The following WDR33 variants were observed in gnomAD, a reference collection of about 807,000 sequenced individuals.
WDR33 encodes the protein WD repeat domain 33.
Under a neutral mutation model 164.9 loss-of-function variants are expected in WDR33, and 47 were observed. That is an observed-to-expected ratio of 0.29 (90% CI 0.23 to 0.36). The LOEUF is 0.36. Among genes scored for constraint, WDR33 ranks in the 10% least tolerant of loss-of-function variants. The pLI is 1.00. For synonymous variants in WDR33, 505 were observed against 589.0 expected (o/e 0.86, Z 2.06); for missense variants, 1,137 against 1,754.1 (o/e 0.65, Z 6.28).
Position 127,811,097 on chromosome 2 carries a change from C to A in WDR33, c.-109G>T, listed in dbSNP as rs1054980916. On this transcript the variant is annotated 5_prime_UTR_variant, in exon 1 of 22. Transcript: ENST00000322313. This position sits in a 1 kb window ranked among gnomAD's most constrained non-coding sequence, Gnocchi z 4.1. ...ATGTCTCTCTTGTTTGGTCTCCCCA[C>A]CCCGATCCTCTCAATCCCGCTCCTC... 1 of 152,744 alleles carries A rather than the reference C, an allele frequency of 6.5e-6. No homozygotes were observed. The highest frequency in any genetic ancestry group is 1.5e-5 in the Non-Finnish European group (1 of 68,078). The allele number at this position is 152,744 out of a possible 1,614,324, so 9.5% of individuals were successfully genotyped here. A position where few individuals can be genotyped will look rare whatever the true frequency, so the allele number is the denominator to read the frequency against.
intron 7 of WDR33, among the ~76,000 whole-genome samples, chr2:127,756,772 T>A (rs1481962761): frequency 1.3e-5 from 2 of 152,126 alleles, no homozygotes; most frequent in Admixed American, 6.5e-5. Context: ...TCATAGGGAT[T>A]TGTCACTGCT....
Position 127,734,206 on chromosome 2 carries a change from G to A in WDR33, c.725-7429C>T, listed in dbSNP as rs13412016. On this transcript the variant is annotated intron_variant, in intron 7 of 21. Transcript: ENST00000322313. ...GATTCTGAAGACCAGAGTCTTGTTCGGAATGAAGGAATGTGACAACCATAA... is the reference window on the plus strand; with the variant it reads ...GATTCTGAAGACCAGAGTCTTGTTCAGAATGAAGGAATGTGACAACCATAA... Among the ~76,000 whole-genome samples the A allele has an allele frequency of 6.6e-3, 1,010 of 152,236 alleles. 7 individuals are homozygous for A. The highest frequency in any genetic ancestry group is 0.022 in the African/African-American group (907 of 41,538).
At chr2:127,760,772 A>C (rs1021325960) in intron 7 of WDR33, among the ~76,000 whole-genome samples, 2 of 152,156 alleles carry the variant, frequency 1.3e-5, no homozygotes, top group Non-Finnish European at 2.9e-5. Flanking sequence ...TAAAGTAAGT[A>C]GAATTTTTTT....
intron 1 of WDR33, among the ~76,000 whole-genome samples, chr2:127,785,393 T>G (rs1236427960): frequency 2.6e-5 from 4 of 152,174 alleles, no homozygotes; most frequent in Non-Finnish European, 5.9e-5. Flanking sequence ...TGCTTTCTCT[T>G]GAGTTGTGAC....
intron 1 of WDR33, among the ~76,000 whole-genome samples, chr2:127,788,476 A>T (rs1573463569): frequency 1.9e-5 from 2 of 104,740 alleles, no homozygotes; most frequent in South Asian, 7.2e-4. Context: ...CGGGGGGCTG[A>T]CACCCCCACC....
intron 1 of WDR33, among the ~76,000 whole-genome samples, chr2:127,788,644 G>T (rs1239351304): frequency 6.8e-6 from 1 of 146,904 alleles, no homozygotes; most frequent in Admixed American, 6.6e-5. Context: ...CTGGCCGGGC[G>T]GGGGGCTGAC....
At chr2:127,788,142 G>A (rs1476350241) in intron 1 of WDR33, among the ~76,000 whole-genome samples, 22 of 100,302 alleles carry the variant, frequency 2.2e-4, no homozygotes, top group African/African-American at 8.8e-4. Flanking sequence ...CAGTAGGGGC[G>A]GCCGGGCAGA....
chr2:127,721,397 C>T lies in WDR33; in HGVS notation c.1671+439G>A, dbSNP rs746730096. On this transcript the variant is annotated intron_variant, in intron 15 of 21. Coordinates refer to ENST00000322313, the MANE Select transcript of WDR33 (RefSeq NM_018383.5). This position sits in a 1 kb window ranked among gnomAD's most constrained non-coding sequence, Gnocchi z 4.9. ...TGCTGGGATTACAGGTGTAAGCCACCACGCCTGACCCTAATTGGGTTTTAA... is the reference window on the plus strand; with the variant it reads ...TGCTGGGATTACAGGTGTAAGCCACTACGCCTGACCCTAATTGGGTTTTAA... 1.3e-5 allele frequency among the ~76,000 whole-genome samples: 2 copies of T among 152,068 alleles called. No individual in the cohort carries two copies. Among genetic ancestry groups the T allele is most frequent in the African/African-American group, 2.4e-5 (1 of 41,386 alleles).
At chr2:127,769,789 G>A (rs897789682) in intron 2 of WDR33, among the ~76,000 whole-genome samples, 6 of 152,104 alleles carry the variant, frequency 3.9e-5, no homozygotes, top group African/African-American at 1.2e-4. Context: ...ACAGATCTAA[G>A]GTAATGAAAA....
chr2:127,778,235 G>A (rs1966391), intron 1 of WDR33, among the ~76,000 whole-genome samples: 63,290 of 151,742 alleles, frequency 0.42, 14,227 homozygotes, highest in African/African-American at 0.58. Context: ...TCAGGAGTTC[G>A]AGACCAGCCT....
At position 127,719,389 on chromosome 2, in the gene WDR33, C is replaced by T. The variant is rs1204226811; in HGVS notation, c.2636G>A (p.Gly879Glu). The T allele has an allele frequency of 6.6e-7, 1 of 1,522,572 alleles. No individual in the cohort carries two copies. The highest frequency in any genetic ancestry group is 1.3e-5 in the South Asian group (1 of 75,028). 94.3% of individuals were successfully genotyped at this position (1,522,572 alleles called of 1,614,324 possible). A position where few individuals can be genotyped will look rare whatever the true frequency, so the allele number is the denominator to read the frequency against. Residue 879 changes from glycine to glutamate, a missense_variant, in exon 16 of 22, where the codon GGA becomes GAA. Gly to Glu is a moderately conservative substitution (Grantham distance 98). Coordinates refer to ENST00000322313, the MANE Select transcript of WDR33 (RefSeq NM_018383.5). This position sits in a 1 kb window ranked among gnomAD's most constrained non-coding sequence, Gnocchi z 6.5. ...CTGCTGTCCCTGAGGTCCGGGGGGT[C>T]CTTGCATGCCACCCTGGGGTGGAGG... ...LGPPPQGGMQ[G>E]PPGPQGQQNP...
chr2:127,726,914 G>T lies in WDR33; in HGVS notation c.725-137C>A. On this transcript the variant is annotated intron_variant, in intron 7 of 21. Transcript: ENST00000322313. The surrounding 1 kb of genome is among the most constrained non-coding windows in gnomAD (Gnocchi z 4.8). ...AAAACTTGTTTTGTGAAGACTCTTT[G>T]GCCTCTGTGTGTCTGGAAATTTTTC... The T allele has an allele frequency of 8.8e-7, 1 of 1,141,676 alleles. No individual in the cohort carries two copies. Among genetic ancestry groups the T allele is most frequent in the Non-Finnish European group, 1.2e-6 (1 of 815,556 alleles). 70.7% of individuals were successfully genotyped at this position (1,141,676 alleles called of 1,614,324 possible). A position where few individuals can be genotyped will look rare whatever the true frequency, so the allele number is the denominator to read the frequency against.
At chr2:127,759,115 T>C (rs927807996) in intron 7 of WDR33, among the ~76,000 whole-genome samples, 1 of 152,224 alleles carries the variant, frequency 6.6e-6, no homozygotes, top group African/African-American at 2.4e-5. Flanking sequence ...AGTCCATAAG[T>C]TGCCATAATT....
At chr2:127,809,222 TA>T (rs1163718065) in intron 1 of WDR33, among the ~76,000 whole-genome samples, 1 of 152,008 alleles carries the variant, frequency 6.6e-6, no homozygotes, top group Non-Finnish European at 1.5e-5. Context: ...TATATGAACT[TA>T]TTACTTAGCA....
At chr2:127,809,524 C>T (rs775625297) in intron 1 of WDR33, among the ~76,000 whole-genome samples, 1 of 150,538 alleles carries the variant, frequency 6.6e-6, no homozygotes, top group Non-Finnish European at 1.5e-5. Context: ...CAACCTCTGC[C>T]TCCGGGGTTC....
chr2:127,740,394 C>A (rs1312777792), intron 7 of WDR33, among the ~76,000 whole-genome samples: 1 of 151,834 alleles, frequency 6.6e-6, no homozygotes, highest in Non-Finnish European at 1.5e-5. Context: ...TCTCTACACA[C>A]ACGCACACAT....
intron 4 of WDR33, among the ~76,000 whole-genome samples, chr2:127,766,353 T>C (rs1216669503): frequency 6.6e-6 from 1 of 152,292 alleles, no homozygotes; most frequent in East Asian, 1.9e-4. Flanking sequence ...TACACAAATA[T>C]ATATGACAAT....
At chr2:127,749,464 C>A (rs1687254434) in intron 7 of WDR33, among the ~76,000 whole-genome samples, 1 of 151,876 alleles carries the variant, frequency 6.6e-6, no homozygotes, top group Non-Finnish European at 1.5e-5. Context: ...GGGTTTGAGA[C>A]CAGCCTGGCC....
intron 4 of WDR33, 74 bp from the exon 5 acceptor site, chr2:127,765,343 TA>T (rs1687789858): frequency 2.3e-5 from 25 of 1,068,994 alleles, no homozygotes; most frequent in Non-Finnish European, 3.3e-5. Context: ...AAGGTATTTG[TA>T]AAACATGCAA....
Sources: allele counts gnomAD v4.1 joint callset (sites outside exome capture counted in the v4.1 genomes callset), GRCh38; gene constraint gnomAD v4.1.1; non-coding constraint Gnocchi (gnomAD v3.1); transcripts MANE v1.5; gene names NCBI Gene and HGNC (gene_info 2026-07-23, HGNC 2026-07-21).